TRIM14: variants seen among roughly 807,000 people sequenced by gnomAD.
TRIM14 encodes the protein tripartite motif containing 14.
Under a neutral mutation model 44.5 loss-of-function variants are expected in TRIM14, and 28 were observed. That is an observed-to-expected ratio of 0.63 (90% CI 0.47 to 0.86). The LOEUF is 0.86. Among genes scored for constraint, TRIM14 ranks in the 40% least tolerant of loss-of-function variants. The probability of loss-of-function intolerance (pLI) is 0.00; values close to 1 mark genes in which losing one functional copy is unlikely to be tolerated. For synonymous variants in TRIM14, 299 were observed against 269.2 expected, an observed-to-expected ratio of 1.11 and a Z score of -1.08; for missense variants, 607 against 611.1, an observed-to-expected ratio of 0.99 and a Z score of 0.07.
chr9:98,088,057 C>T (rs1825862026), intron 5 of TRIM14, 52 bp from the exon 6 acceptor site: 4 of 1,397,120 alleles, frequency 2.9e-6, no homozygotes, highest in Non-Finnish European at 3.7e-6. Context: ...CAGCGCGGCG[C>T]CCCGCCCCCG....
At chr9:98,111,947 A>G (rs1826870142) in intron 1 of TRIM14, among the ~76,000 whole-genome samples, 1 of 152,198 alleles carries the variant, frequency 6.6e-6, no homozygotes, top group Non-Finnish European at 1.5e-5. Context: ...TCAAAAACAA[A>G]CAAACAAAAA....
the TRIM14 span, among the ~76,000 whole-genome samples, chr9:98,051,189 A>T: frequency 6.6e-6 from 1 of 152,204 alleles, no homozygotes; most frequent in East Asian, 1.9e-4. Flanking sequence ...CACACCAGGG[A>T]GACTACTATT....
the TRIM14 span, among the ~76,000 whole-genome samples, chr9:98,039,230 G>A: frequency 1.3e-5 from 2 of 152,068 alleles, no homozygotes; most frequent in East Asian, 3.9e-4. Context: ...GCTCACTGCA[G>A]CCTCCACCTC....
intron 5 of TRIM14, 72 bp from the exon 6 acceptor site, chr9:98,088,077 C>T (rs2118205360): frequency 7.3e-7 from 1 of 1,371,480 alleles, no homozygotes; most frequent in South Asian, 1.6e-5. Flanking sequence ...GGGAACCCAC[C>T]AACGCACGTG....
At chr9:98,065,554 G>A (rs1829122147), downstream of TRIM14, among the ~76,000 whole-genome samples, 1 of 142,434 alleles carries the variant, frequency 7.0e-6, no homozygotes, top group East Asian at 2.0e-4. Context: ...GGCCAGGCTG[G>A]TCTCGAACTC....
intron 2 of TRIM14, among the ~76,000 whole-genome samples, 170 bp from the exon 3 acceptor site, chr9:98,100,334 G>A (rs1000351247): frequency 6.6e-6 from 1 of 152,114 alleles, no homozygotes; most frequent in Non-Finnish European, 1.5e-5. Flanking sequence ...GCCCATCACC[G>A]ATCGTAAAAT....
chr9:98,109,745 A>C, intron 2 of TRIM14, 144 bp downstream of exon 2: 1 of 691,474 alleles, frequency 1.4e-6, no homozygotes, highest in Non-Finnish European at 2.5e-6. Flanking sequence ...TTTCTAAAGA[A>C]CCCTGAATTA....
chr9:98,104,651 G>A (rs1826536300), intron 2 of TRIM14, among the ~76,000 whole-genome samples: 1 of 152,192 alleles, frequency 6.6e-6, no homozygotes, highest in Non-Finnish European at 1.5e-5. Context: ...CAGCTGAACT[G>A]GGCTGGGCTT....
At chr9:98,098,821 T>C (rs1421170313) in intron 3 of TRIM14, among the ~76,000 whole-genome samples, 4 of 152,146 alleles carry the variant, frequency 2.6e-5, no homozygotes, top group Non-Finnish European at 4.4e-5. Flanking sequence ...AGTCTCACTC[T>C]GTTACCCGGC....
At chr9:98,042,915 G>A in the TRIM14 span, among the ~76,000 whole-genome samples, 1 of 150,884 alleles carries the variant, frequency 6.6e-6, no homozygotes, top group Non-Finnish European at 1.5e-5. Context: ...TCTTGAAAAA[G>A]CATTTGATTA....
chr9:98,081,929 A>G (rs1238451491), downstream of TRIM14: 1 of 152,346 alleles, frequency 6.6e-6, no homozygotes, highest in South Asian at 2.1e-4. Flanking sequence ...ACCAGAAACC[A>G]GAGTAAGATT....
intron 2 of TRIM14, 58 bp from the exon 3 acceptor site, chr9:98,100,222 A>T: frequency 6.8e-7 from 1 of 1,479,698 alleles, no homozygotes. Flanking sequence ...AATCCAGAAT[A>T]ATCAACATGA....
chr9:98,091,386 G>A (rs576962231), intron 5 of TRIM14, among the ~76,000 whole-genome samples: 25 of 152,242 alleles, frequency 1.6e-4, no homozygotes, highest in African/African-American at 5.8e-4. Context: ...GTGCCCAAGA[G>A]GTCGAGGCTG....
Position 98,100,085 on chromosome 9 carries a change from A to T in TRIM14, c.383T>A (p.Leu128Gln). Reference protein sequence around the residue: ...LRLLLDEEEALAKKFIDKNTQ... With the variant: ...LRLLLDEEEAQAKKFIDKNTQ... ...GTTTTTATCAATGAATTTCTTGGCC[A>T]GCGCTTCCTCTTCGTCAAGTAGTAA... is the stretch of plus-strand genomic sequence containing the variant. The change falls in exon 3 of 6, where the codon CTG (leucine) becomes CAG (glutamine). Residue 128 changes from leucine to glutamine, a missense_variant. By Grantham distance (113) the Leu-to-Gln change is moderately radical. Coordinates refer to ENST00000341469, the MANE Select transcript of TRIM14 (RefSeq NM_014788.4). The T allele has an allele frequency of 6.2e-7, 1 of 1,614,234 alleles. No homozygotes were observed. Among genetic ancestry groups the T allele is most frequent in the Non-Finnish European group, 8.5e-7 (1 of 1,180,044 alleles).
chr9:98,106,618 G>A (rs10760120), intron 2 of TRIM14, among the ~76,000 whole-genome samples: 79,146 of 152,032 alleles, frequency 0.52, 21,082 homozygotes, highest in East Asian at 0.67. Context: ...CCACTTAGGT[G>A]TTAGTCTAAC....
the TRIM14 span, among the ~76,000 whole-genome samples, chr9:98,059,234 A>G: frequency 6.6e-6 from 1 of 152,052 alleles, no homozygotes; most frequent in East Asian, 1.9e-4. Context: ...CATGTTAGCC[A>G]GGATGGTCTC....
At chr9:98,053,238 G>T in the TRIM14 span, among the ~76,000 whole-genome samples, 1 of 152,178 alleles carries the variant, frequency 6.6e-6, no homozygotes, top group African/African-American at 2.4e-5. Flanking sequence ...GCTTGCGAAG[G>T]CTTTTAACTG....
chr9:98,092,470 G>T, intron 4 of TRIM14: 1 of 380,936 alleles, frequency 2.6e-6, no homozygotes, highest in Non-Finnish European at 5.3e-6. Flanking sequence ...CTCCTTCCCA[G>T]CTATTGGGGC....
At chr9:98,089,705 T>G (rs2118239702) in intron 5 of TRIM14, among the ~76,000 whole-genome samples, 1 of 152,302 alleles carries the variant, frequency 6.6e-6, no homozygotes, top group South Asian at 2.1e-4. Flanking sequence ...AACCTAGTTC[T>G]GCCCTCAATG....
Sources: gnomAD v4.1 joint callset for allele counts (sites outside exome capture counted in the v4.1 genomes callset) on GRCh38, gnomAD v4.1.1 for gene constraint, MANE v1.5 for transcripts, NCBI Gene and HGNC (gene_info 2026-07-23, HGNC 2026-07-21) for gene names.